The following STAB2 variants were observed in gnomAD, a reference collection of about 807,000 sequenced individuals.
STAB2 encodes stabilin-2.
A neutral mutation model predicts 338.1 loss-of-function variants in STAB2; 288 were observed. That is an observed-to-expected ratio of 0.85 (90% CI 0.77 to 0.94). The LOEUF (loss-of-function observed/expected upper bound fraction) is 0.94, where lower values mean the gene tolerates loss of function less well. STAB2 is among the 40% of genes least tolerant of loss of function. STAB2 has a pLI of 0.00. For synonymous variants in STAB2, 1,202 were observed against 1,193.3 expected (o/e 1.01, Z -0.15); for missense variants, 3,141 against 3,210.1 (o/e 0.98, Z 0.52).
At chr12:103,676,119 T>C (rs1876337426) in intron 24 of STAB2, 98 bp downstream of exon 24, 1 of 822,596 alleles carries the variant, frequency 1.2e-6, no homozygotes, top group Non-Finnish European at 1.7e-6. Flanking sequence ...TGGAGTGCAA[T>C]GGCACAATCT....
intron 3 of STAB2, among the ~76,000 whole-genome samples, chr12:103,613,005 A>G (rs1394538618): frequency 6.6e-6 from 1 of 152,200 alleles, no homozygotes; most frequent in African/African-American, 2.4e-5. Flanking sequence ...AACAGCAAAT[A>G]TTGGTGAACA....
intron 9 of STAB2, among the ~76,000 whole-genome samples, chr12:103,647,422 A>G (rs913261671): frequency 2.0e-5 from 3 of 152,060 alleles, no homozygotes; most frequent in Non-Finnish European, 4.4e-5. Context: ...ACTGTGATGT[A>G]GTCACAGCAC....
At chr12:103,635,119 C>T (rs1593166127) in intron 6 of STAB2, among the ~76,000 whole-genome samples, 1 of 152,346 alleles carries the variant, frequency 6.6e-6, no homozygotes, top group Non-Finnish European at 1.5e-5. Flanking sequence ...GAGAGCAATA[C>T]ACTGACTGCT....
chr12:103,682,276 C>A (rs1876984868), intron 25 of STAB2, among the ~76,000 whole-genome samples: 1 of 151,844 alleles, frequency 6.6e-6, no homozygotes, highest in Non-Finnish European at 1.5e-5. Context: ...CCACATCCAT[C>A]CTCGTTTTCT....
intron 8 of STAB2, 39 bp from the exon 9 acceptor site, chr12:103,640,084 C>A: frequency 6.4e-7 from 1 of 1,572,786 alleles, no homozygotes; most frequent in South Asian, 1.2e-5. Context: ...AAGTAACTAA[C>A]TAGGATCCTA....
intron 68 of STAB2, 130 bp downstream of exon 68, chr12:103,763,738 C>T: frequency 1.1e-6 from 1 of 906,800 alleles, no homozygotes; most frequent in South Asian, 1.8e-5. Context: ...GGTAACAAGC[C>T]TAAAAGCCAG....
At chr12:103,698,570 C>T (rs1454006374) in intron 33 of STAB2, among the ~76,000 whole-genome samples, 2 of 152,132 alleles carry the variant, frequency 1.3e-5, no homozygotes, top group African/African-American at 2.4e-5. Flanking sequence ...ATTCTTGTCC[C>T]AAGCCAACTA....
chr12:103,683,518 G>A (rs1177089440), intron 26 of STAB2, among the ~76,000 whole-genome samples: 4 of 152,048 alleles, frequency 2.6e-5, no homozygotes, highest in African/African-American at 9.7e-5. Context: ...AGAAGTTCTG[G>A]TTAAATTTAA....
In STAB2 at chr12:103,648,711, C is replaced by T. The variant is rs749575440; in HGVS notation, c.1062C>T (p.Tyr354=). 1.8e-5 allele frequency: 29 copies of T among 1,613,790 alleles called. No homozygotes were observed. Among genetic ancestry groups the T allele is most frequent in the Non-Finnish European group, 2.1e-5 (25 of 1,179,962 alleles). The change falls in exon 10 of 69, where the codon TAC becomes TAT. Residue 354 remains tyrosine (Y), a synonymous_variant. Coordinates refer to ENST00000388887, the MANE Select transcript of STAB2 (RefSeq NM_017564.10). ...GTAGATGCATTTGCCAGAAAGGTTA[C>T]GTGGGTGATGGCTTAACGTGTTATG... ...GRTECICQKG[Y]VGDGLTCYGN...
chr12:103,661,614 G>C (rs547757779), intron 17 of STAB2, among the ~76,000 whole-genome samples: 7 of 152,218 alleles, frequency 4.6e-5, no homozygotes, highest in Non-Finnish European at 1.0e-4. Flanking sequence ...AAGCAAGGAA[G>C]GGGGACAGAA....
At chr12:103,690,026 C>T in intron 29 of STAB2, 44 bp downstream of exon 29, 1 of 1,598,436 alleles carries the variant, frequency 6.3e-7, no homozygotes, top group Non-Finnish European at 8.5e-7. Context: ...TGAATGGCAT[C>T]TGTGTAAACA....
intron 3 of STAB2, among the ~76,000 whole-genome samples, chr12:103,617,228 T>G (rs1957224671): frequency 6.6e-6 from 1 of 152,086 alleles, no homozygotes; most frequent in Non-Finnish European, 1.5e-5. Flanking sequence ...AATCCACAAC[T>G]CTCTCCGCAC....
At chr12:103,698,975 A>C in intron 33 of STAB2, 121 bp from the exon 34 acceptor site, 1 of 1,287,138 alleles carries the variant, frequency 7.8e-7, no homozygotes, top group South Asian at 1.7e-5. Flanking sequence ...CCTCTGTCAA[A>C]ACTTCCACTT....
intron 3 of STAB2, among the ~76,000 whole-genome samples, chr12:103,611,568 G>A (rs1244307878): frequency 3.3e-5 from 5 of 151,864 alleles, no homozygotes; most frequent in Non-Finnish European, 7.4e-5. Flanking sequence ...CCTTTATTTT[G>A]AGGCTTTGTG....
chr12:103,682,539 T>C (rs1022574265), intron 25 of STAB2, among the ~76,000 whole-genome samples: 4 of 152,172 alleles, frequency 2.6e-5, no homozygotes, highest in Admixed American at 1.3e-4. Flanking sequence ...CTCCACCAAG[T>C]GGATACCCCA....
At position 103,622,097 on chromosome 12, in the gene STAB2, C is replaced by A. The variant is rs1417353223; in HGVS notation, c.473C>A (p.Pro158His). 4 of 1,614,050 alleles carry A rather than the reference C, an allele frequency of 2.5e-6. No homozygotes were observed. The highest frequency in any genetic ancestry group is 3.3e-5 in the Admixed American group (2 of 59,998). Reference protein sequence around the residue: ...ETCADDNLFGPSCSSVCNCVH... With the variant: ...ETCADDNLFGHSCSSVCNCVH... ...TGTGCTGACGACAACTTATTTGGAC[C>A]CAGCTGTTCATCAGGTATGTCTGAT... Residue 158 changes from proline to histidine, a missense_variant, in exon 5 of 69, where the codon CCC becomes CAC. Coordinates refer to ENST00000388887, the MANE Select transcript of STAB2 (RefSeq NM_017564.10).
At chr12:103,656,176 C>T (rs1874164185) in intron 15 of STAB2, among the ~76,000 whole-genome samples, 1 of 152,186 alleles carries the variant, frequency 6.6e-6, no homozygotes, top group Admixed American at 6.5e-5. Flanking sequence ...GAAATAATAG[C>T]CTTAACTTGA....
chr12:103,702,187 G>C (rs770037730), intron 34 of STAB2, among the ~76,000 whole-genome samples: 2 of 150,158 alleles, frequency 1.3e-5, no homozygotes, highest in Non-Finnish European at 3.0e-5. Flanking sequence ...AGTTGAATTT[G>C]ACTTGGCGGC....
At position 103,594,408 on chromosome 12, in the gene STAB2, G is replaced by A. The variant is rs1956845106; in HGVS notation, c.229G>A (p.Val77Ile). Reference protein sequence around the residue: ...GVRDCRYTFEVRTYSLSLPGC... With the variant: ...GVRDCRYTFEIRTYSLSLPGC... Reference sequence around the variant, plus strand: ...TTACCCTCCAAGGTACACCTTTGAGGTCAGAACATACTCTCTGTCTCTCCC... The same window carrying A: ...TTACCCTCCAAGGTACACCTTTGAGATCAGAACATACTCTCTGTCTCTCCC... Residue 77 changes from valine (V) to isoleucine (I), a missense_variant, in exon 3 of 69, where the codon GTC becomes ATC. Val to Ile is a conservative substitution (Grantham distance 29). Coordinates refer to ENST00000388887, the MANE Select transcript of STAB2 (RefSeq NM_017564.10). The A allele has an allele frequency of 6.2e-7, 1 of 1,613,792 alleles. No individual in the cohort carries two copies. Among genetic ancestry groups the A allele is most frequent in the Non-Finnish European group, 8.5e-7 (1 of 1,179,782 alleles).
Sources: allele counts gnomAD v4.1 joint callset (sites outside exome capture counted in the v4.1 genomes callset), GRCh38; gene constraint gnomAD v4.1.1; transcripts MANE v1.5; gene names NCBI Gene and HGNC (gene_info 2026-07-23, HGNC 2026-07-21).